DHX9: variants seen among roughly 807,000 people sequenced by gnomAD.
DHX9 encodes the protein ATP-dependent RNA helicase A.
Under a neutral mutation model 148.7 loss-of-function variants are expected in DHX9, and 27 were observed. The observed-to-expected ratio is 0.18, with a 90% CI of 0.13 to 0.25. DHX9 has a LOEUF of 0.25. Among genes scored for constraint, DHX9 ranks in the 10% least tolerant of loss-of-function variants. DHX9 has a pLI of 1.00. For missense variants in DHX9, 796 were observed against 1,559.6 expected (o/e 0.51, Z 8.25); for synonymous variants, 529 against 516.6 (o/e 1.02, Z -0.33).
chr1:182,854,102 C>T lies in DHX9; in HGVS notation c.550C>T (p.Arg184Cys), dbSNP rs1571302688. 2 of 1,613,238 alleles carry T rather than the reference C, an allele frequency of 1.2e-6. No homozygotes were observed. Among genetic ancestry groups the T allele is most frequent in the Non-Finnish European group, 1.7e-6 (2 of 1,179,648 alleles). ...CTGGACCTTGGAAAATGCTAAAGCTCGTCTAAACCAATATTTTCAGAAAGA... is the reference window on the plus strand; with the variant it reads ...CTGGACCTTGGAAAATGCTAAAGCTTGTCTAAACCAATATTTTCAGAAAGA... ...GNWTLENAKA[R>C]LNQYFQKEKI... The change falls in exon 6 of 28, where the codon CGT becomes TGT. Residue 184 changes from arginine to cysteine, a missense_variant. This residue lies in a region of DHX9 where 46 missense variants were observed against 136.3 expected (regional missense o/e 0.34). Coordinates refer to ENST00000367549, the MANE Select transcript of DHX9 (RefSeq NM_001357.5).
chr1:182,849,480 A>C (rs770215512), intron 3 of DHX9, among the ~76,000 whole-genome samples: 10 of 152,240 alleles, frequency 6.6e-5, no homozygotes, highest in Non-Finnish European at 1.5e-4. Flanking sequence ...ATATCCAATT[A>C]ATGTTTACAT....
At chr1:182,858,078 C>T in intron 7 of DHX9, 26 bp from the exon 8 acceptor site, 1 of 1,595,688 alleles carries the variant, frequency 6.3e-7, no homozygotes, top group Middle Eastern at 2.1e-4. Context: ...TTCTTTCTGT[C>T]TGATAATCCT....
chr1:182,881,468 G>C, intron 23 of DHX9, 43 bp downstream of exon 23: 1 of 1,609,348 alleles, frequency 6.2e-7, no homozygotes, highest in South Asian at 1.1e-5. Flanking sequence ...TTTCTCATTT[G>C]TATTTAGTTC....
intron 15 of DHX9, among the ~76,000 whole-genome samples, chr1:182,872,800 GT>G (rs1648604132): frequency 1.3e-5 from 2 of 152,182 alleles, no homozygotes. Context: ...GGAAATCACT[GT>G]GGTGTATAGG....
chr1:182,882,069 A>G (rs9425566), intron 24 of DHX9, among the ~76,000 whole-genome samples: 2,185 of 152,370 alleles, frequency 0.014, 21 homozygotes, highest in Middle Eastern at 0.037. Context: ...CATAACCAGA[A>G]ATAAGACTGT....
intron 21 of DHX9, among the ~76,000 whole-genome samples, chr1:182,880,295 A>T (rs1208819570): frequency 6.6e-6 from 1 of 152,196 alleles, no homozygotes; most frequent in Non-Finnish European, 1.5e-5. Context: ...ATTTAGTTGT[A>T]GTACCTTTAT....
At chr1:182,884,928 AG>A in intron 27 of DHX9, 115 bp downstream of exon 27, 1 of 887,232 alleles carries the variant, frequency 1.1e-6, no homozygotes, top group South Asian at 1.6e-5. Context: ...TTCTAGATAT[AG>A]ATAGAGCTAT....
intron 3 of DHX9, among the ~76,000 whole-genome samples, chr1:182,849,231 T>C (rs1171897800): frequency 6.6e-6 from 1 of 152,176 alleles, no homozygotes; most frequent in African/African-American, 2.4e-5. Context: ...CTGTGGACAA[T>C]TGTAGATGTG....
intron 11 of DHX9, among the ~76,000 whole-genome samples, 170 bp downstream of exon 11, chr1:182,859,287 G>A (rs1429862645): frequency 6.6e-6 from 1 of 152,156 alleles, no homozygotes; most frequent in Non-Finnish European, 1.5e-5. Flanking sequence ...TGAGTTGAGG[G>A]CCTGTGAGAG....
At chr1:182,882,731 G>A (rs537719833) in intron 24 of DHX9, among the ~76,000 whole-genome samples, 60 of 152,188 alleles carry the variant, frequency 3.9e-4, no homozygotes, top group African/African-American at 1.4e-3. Context: ...CGGGCGTGGT[G>A]GCGGGTGCCT....
chr1:182,843,262 C>T lies in DHX9; in HGVS notation c.112-32C>T, dbSNP rs781651087. On this transcript the variant is annotated intron_variant, in intron 2 of 27. Transcript: ENST00000367549. ...TTTAAAATCTCAGAATTACCCAGGT[C>T]AGTCTCTTAGTACTTTTTTTTTTTT... is the stretch of plus-strand genomic sequence containing the variant. 1.1e-5 allele frequency: 16 copies of T among 1,510,468 alleles called. No homozygotes were observed. In the South Asian group the frequency reaches 2.0e-4, roughly 19 times the overall value. 93.6% of individuals were successfully genotyped at this position (1,510,468 alleles called of 1,614,324 possible). A position where few individuals can be genotyped will look rare whatever the true frequency, so the allele number is the denominator to read the frequency against.
intron 21 of DHX9, 65 bp downstream of exon 21, chr1:182,879,475 A>AT: frequency 7.5e-7 from 1 of 1,330,222 alleles, no homozygotes; most frequent in Non-Finnish European, 9.8e-7. Flanking sequence ...GTTCTGGCAG[A>AT]TAACACTTAC....
At chr1:182,860,504 T>TA (rs1668341722) in intron 12 of DHX9, among the ~76,000 whole-genome samples, 2 of 152,222 alleles carry the variant, frequency 1.3e-5, no homozygotes, top group African/African-American at 4.8e-5. Flanking sequence ...ACCACCTTGA[T>TA]ATTGAGTAAA....
chr1:182,878,663 C>T (rs569245160), intron 20 of DHX9, among the ~76,000 whole-genome samples: 24 of 152,258 alleles, frequency 1.6e-4, no homozygotes, highest in African/African-American at 5.5e-4. Flanking sequence ...TGCTTGGGAC[C>T]AGAAGTGGTT....
intron 3 of DHX9, among the ~76,000 whole-genome samples, chr1:182,847,601 TCTCTGGCTGTTTC>T (rs1355941456): frequency 1.3e-5 from 2 of 152,202 alleles, no homozygotes; most frequent in Non-Finnish European, 2.9e-5. Flanking sequence ...GGGCTCCTCC[TCTCTGGCTGTTTC>T]CTTTCCAGCA....
intron 21 of DHX9, among the ~76,000 whole-genome samples, chr1:182,880,173 T>G (rs940141900): frequency 1.3e-5 from 2 of 152,232 alleles, no homozygotes; most frequent in Admixed American, 6.5e-5. Context: ...TTTAAAACAT[T>G]AACAGCTGGG....
chr1:182,868,340 A>G (rs1557973930), intron 14 of DHX9, among the ~76,000 whole-genome samples: 1 of 152,284 alleles, frequency 6.6e-6, no homozygotes, highest in East Asian at 1.9e-4. Flanking sequence ...GACAAAAATC[A>G]GTAGTGTCCA....
intron 12 of DHX9, among the ~76,000 whole-genome samples, chr1:182,864,505 C>CT (rs1648196413): frequency 6.6e-6 from 1 of 152,306 alleles, no homozygotes; most frequent in African/African-American, 2.4e-5. Flanking sequence ...CATATTTTAA[C>CT]TTTCGTGCAT....
chr1:182,874,539 T>G (rs1329572021), intron 15 of DHX9, among the ~76,000 whole-genome samples: 2 of 152,196 alleles, frequency 1.3e-5, no homozygotes, highest in Non-Finnish European at 1.5e-5. Context: ...TGAAGTTACT[T>G]CTTTCCATGT....
Sources: allele counts gnomAD v4.1 joint callset (sites outside exome capture counted in the v4.1 genomes callset), GRCh38; gene constraint gnomAD v4.1.1; regional missense constraint gnomAD v4.1.1; transcripts MANE v1.5; gene names NCBI Gene and HGNC (gene_info 2026-07-23, HGNC 2026-07-21).